The following MEFV variants were observed in gnomAD, a reference collection of about 807,000 sequenced individuals.
MEFV encodes pyrin.
A neutral mutation model predicts 62.5 loss-of-function variants in MEFV; 60 were observed. The observed-to-expected ratio is 0.96, with a 90% confidence interval of 0.78 to 1.19. The LOEUF is 1.19. Ranked by LOEUF, MEFV falls within the 50% of genes most tolerant of loss-of-function variation. The probability of loss-of-function intolerance (pLI) is 0.00; values close to 1 mark genes in which losing one functional copy is unlikely to be tolerated. For synonymous variants in MEFV, 500 were observed against 415.2 expected (o/e 1.20, Z -2.48); for missense variants, 1,169 against 1,004.5 (o/e 1.16, Z -2.21).
At chr16:3,252,006 C>G (rs1233032294) in intron 2 of MEFV, 1 of 421,994 alleles carries the variant, frequency 2.4e-6, no homozygotes, top group East Asian at 7.5e-5. Flanking sequence ...TGTTTGAGAT[C>G]AGGAGTTCGA....
intron 6 of MEFV, 144 bp downstream of exon 6, chr16:3,246,381 T>C (rs1958942800): frequency 1.1e-6 from 1 of 918,338 alleles, no homozygotes; most frequent in South Asian, 1.4e-5. Flanking sequence ...CAGAGAGGCT[T>C]TGGGAAGCTG....
In MEFV at chr16:3,256,440, G is replaced by C. The variant is rs1243710109; in HGVS notation, c.148C>G (p.Pro50Ala). 1.2e-6 allele frequency: 2 copies of C among 1,614,238 alleles called. No individual in the cohort carries two copies. Among genetic ancestry groups the C allele is most frequent in the Admixed American group, 3.3e-5 (2 of 60,028 alleles). Residue 50 changes from proline (P) to alanine (A), a missense_variant, in exon 1 of 10, where the codon CCG becomes GCG. Physicochemically the swap from Pro to Ala is conservative, Grantham distance 27. Coordinates refer to ENST00000219596, the MANE Select transcript of MEFV (RefSeq NM_000243.3). ...ACCAGCAGAGTGGCCATCTTCACCG[G>C]CCTGGCTCTCTGGATCTGGCTCCGG... Reference protein sequence around the residue: ...IPRSQIQRARPVKMATLLVTY... With the variant: ...IPRSQIQRARAVKMATLLVTY...
At chr16:3,244,383 G>A in intron 7 of MEFV, 90 bp downstream of exon 7, 3 of 1,597,920 alleles carry the variant, frequency 1.9e-6, no homozygotes, top group East Asian at 2.2e-5. Flanking sequence ...CAAGACCAGG[G>A]GAAGAGGAGG....
chr16:3,244,990 C>G (rs1296963654), intron 6 of MEFV, among the ~76,000 whole-genome samples: 1 of 151,980 alleles, frequency 6.6e-6, no homozygotes, highest in Non-Finnish European at 1.5e-5. Context: ...AAAACAGCAA[C>G]AACAGAAAAA....
rs936508032 is a variant in MEFV at position 3,254,309 on chromosome 16, C to T, written c.759G>A (p.Ala253=). ...TCAGGAGAATTTCTGGATTTGCGGG[C>T]GCCTTCTCCCCTGTAGAAATGGTGA... ...LEVTISTGEK[A]PANPEILLTL... The change falls in exon 2 of 10, where the codon GCG becomes GCA. Residue 253 remains alanine (A), a synonymous_variant. Transcript: ENST00000219596. The T allele has an allele frequency of 1.1e-5, 17 of 1,614,120 alleles. No individual in the cohort carries two copies. In the African/African-American group the frequency reaches 1.3e-4, roughly 13 times the overall value.
chr16:3,246,574 G>C, intron 5 of MEFV, 27 bp from the exon 6 acceptor site: 1 of 1,613,988 alleles, frequency 6.2e-7, no homozygotes, highest in Non-Finnish European at 8.5e-7. Flanking sequence ...GGAAACTGTC[G>C]GTTACCAGGC....
intron 8 of MEFV, 172 bp downstream of exon 8, chr16:3,244,073 GAGTCAACTC>G (rs776215456): frequency 6.4e-7 from 1 of 1,551,556 alleles, no homozygotes; most frequent in South Asian, 1.2e-5. Flanking sequence ...GTGGTCTAAT[GAGTCAACTC>G]AGTCAATGAG....
intron 3 of MEFV, 40 bp from the exon 4 acceptor site, chr16:3,249,044 C>T (rs747663103): frequency 2.5e-6 from 4 of 1,599,520 alleles, no homozygotes; most frequent in South Asian, 1.1e-5. Flanking sequence ...GAATTTGGCT[C>T]CTGCCATCTT....
At chr16:3,244,740 A>G in intron 6 of MEFV, 152 bp from the exon 7 acceptor site, 1 of 711,394 alleles carries the variant, frequency 1.4e-6, no homozygotes, top group Non-Finnish European at 2.5e-6. Context: ...AGAGGTCTAA[A>G]TGCTGGTCCT....
At chr16:3,253,368 C>T (rs1034808894) in intron 2 of MEFV, among the ~76,000 whole-genome samples, 1 of 152,154 alleles carries the variant, frequency 6.6e-6, no homozygotes, top group African/African-American at 2.4e-5. Context: ...ACCTATCTCC[C>T]TTCCCCTCCC....
chr16:3,247,257 G>A lies in MEFV; in HGVS notation c.1357-11C>T, dbSNP rs1567233441. 1.2e-6 allele frequency: 2 copies of A among 1,613,088 alleles called. No individual in the cohort carries two copies. The highest frequency in any genetic ancestry group is 2.2e-5 in the East Asian group (1 of 44,886). ...CGCTTCAGTTTGTTTCTGGGGAGCA[G>A]AGGACAGGGAGGTATGGGGGTCTGT... is the stretch of plus-strand genomic sequence containing the variant. On this transcript the variant is annotated splice_polypyrimidine_tract_variant and intron_variant, in intron 4 of 9. Transcript: ENST00000219596.
In MEFV at chr16:3,245,230, G is replaced by A. The variant is rs1167917241; in HGVS notation, c.1611-642C>T. Among the ~76,000 whole-genome samples the A allele has an allele frequency of 5.9e-5, 9 of 152,132 alleles. No individual in the cohort carries two copies. In the East Asian group the frequency reaches 1.7e-3, roughly 29 times the overall value. On this transcript the variant is annotated intron_variant, in intron 6 of 9. Coordinates refer to ENST00000219596, the MANE Select transcript of MEFV (RefSeq NM_000243.3). ...CCGAGCCCAGGAAGCTGAGCCTGCA[G>A]TGAGCTGTGACTGTGCCACTGCTCT... is the stretch of plus-strand genomic sequence containing the variant.
chr16:3,249,531 C>G lies in MEFV; in HGVS notation c.1160G>C (p.Cys387Ser). ...GCAGATGGGCTCATCGTGATCCTCA[C>G]AGAAGAGCAGCTGGACCTGCTTCAG... ...RHLKQVQLLF[C>S]EDHDEPICLI... The change falls in exon 3 of 10, where the codon TGT (cysteine) becomes TCT (serine). Residue 387 changes from cysteine to serine, a missense_variant. Transcript: ENST00000219596. 1 of 1,614,212 alleles carries G rather than the reference C, an allele frequency of 6.2e-7. No individual in the cohort carries two copies.
chr16:3,254,449 C>G lies in MEFV; in HGVS notation c.619G>C (p.Ala207Pro), dbSNP rs1386104492. ...CCCTGCAGCCTCCCCGCGGAGCTGG[C>G]GTTTCTGCGCAGCCGGACCTCGGCC... ...GQAEVRLRRN[A>P]SSAGRLQGLA... The change falls in exon 2 of 10, where the codon GCC becomes CCC. Residue 207 changes from alanine (A) to proline (P), a missense_variant. Physicochemically the swap from Ala to Pro is conservative, Grantham distance 27. Transcript: ENST00000219596. 2 of 1,608,424 alleles carry G rather than the reference C, an allele frequency of 1.2e-6. No individual in the cohort carries two copies. The highest frequency in any genetic ancestry group is 2.2e-5 in the South Asian group (2 of 90,938).
chr16:3,248,957 T>A lies in MEFV; in HGVS notation c.1308A>T (p.Ser436=), dbSNP rs769466176. 6.2e-7 allele frequency: 1 copy of A among 1,614,220 alleles called. No individual in the cohort carries two copies. The highest frequency in any genetic ancestry group is 1.1e-5 in the South Asian group (1 of 91,090). ...QLEHLKKLRK[S]GEEQRSYGEE... ...CCCCATAGGATCGCTGCTCCTCCCC[T>A]GATTTTCTCAGCTTCTTCAGATGCT... Residue 436 remains serine, a synonymous_variant, in exon 4 of 10, where the codon TCA becomes TCT. Coordinates refer to ENST00000219596, the MANE Select transcript of MEFV (RefSeq NM_000243.3).
rs532355530 is a variant in MEFV at position 3,244,889 on chromosome 16, CCTTT to C, written c.1611-305_1611-302del. 1.8e-3 allele frequency among the ~76,000 whole-genome samples: 269 copies of C among 152,212 alleles called. 1 individual carries two copies. Among genetic ancestry groups the C allele is most frequent in the African/African-American group, 5.9e-3 (244 of 41,528 alleles). On this transcript the variant is annotated intron_variant, in intron 6 of 9. Transcript: ENST00000219596. The stretch of plus-strand genomic sequence containing the variant: ...ATCTATGTCAAATTGATTATACACC[CCTTT>C]CTTTCTATTGAAATAAAAAGATAAT...
chr16:3,249,430 C>T lies in MEFV; in HGVS notation c.1260+1G>A. On this transcript the variant is annotated splice_donor_variant, in intron 3 of 9. Coordinates refer to ENST00000219596, the MANE Select transcript of MEFV (RefSeq NM_000243.3). LOFTEE classifies it high-confidence loss of function. The stretch of plus-strand genomic sequence containing the variant: ...AGAGCCCACAGGCAGGGAGTGCCTA[C>T]CTTGTGTTCCAGGGCGACCTCCTCA... 6.2e-7 allele frequency: 1 copy of T among 1,613,266 alleles called. No homozygotes were observed. The highest frequency in any genetic ancestry group is 8.5e-7 in the Non-Finnish European group (1 of 1,179,938).
Position 3,255,244 on chromosome 16 carries a change from G to A in MEFV, c.278-454C>T, listed in dbSNP as rs113011544. Among the ~76,000 whole-genome samples, 870 of 152,250 alleles carry A rather than the reference G, an allele frequency of 5.7e-3. 8 individuals carry two copies. Among genetic ancestry groups the A allele is most frequent in the African/African-American group, 0.019 (794 of 41,538 alleles). ...AGGCATGAGAATCGCTTGAGCCCGG[G>A]ATGTGGAGGTTGCAGTGAGCTGAGA... On this transcript the variant is annotated intron_variant, in intron 1 of 9. Transcript: ENST00000219596.
At position 3,247,144 on chromosome 16, in the gene MEFV, C is replaced by T. The variant is rs104895100; in HGVS notation, c.1459G>A (p.Val487Met). The change falls in exon 5 of 10, where the codon GTG becomes ATG. Residue 487 changes from valine (V) to methionine (M), a missense_variant. Transcript: ENST00000219596. Reference sequence around the variant, plus strand: ...CTGATCTGCCCAACCATCTGGCCCACGTCCTCCAGTGAGGCCACAAAGAAA... The same window carrying T: ...CTGATCTGCCCAACCATCTGGCCCATGTCCTCCAGTGAGGCCACAAAGAAA... ...EHFFVASLED[V>M]GQMVGQIRKA... 1.9e-5 allele frequency: 30 copies of T among 1,614,074 alleles called. No homozygotes were observed. Among genetic ancestry groups the T allele is most frequent in the Non-Finnish European group, 2.3e-5 (27 of 1,180,040 alleles).
Sources: allele counts gnomAD v4.1 joint callset (sites outside exome capture counted in the v4.1 genomes callset), GRCh38; gene constraint gnomAD v4.1.1; transcripts MANE v1.5; gene names NCBI Gene and HGNC (gene_info 2026-07-23, HGNC 2026-07-21).